The following C1QTNF1 variants were observed in gnomAD, a reference collection of about 807,000 sequenced individuals.
C1QTNF1 encodes C1q and TNF related 1.
C1QTNF1 carries 22 observed loss-of-function variants against 27.8 expected under a neutral mutation model. The ratio of observed to expected loss-of-function variants is 0.79; its 90% CI spans 0.56 to 1.13. The LOEUF (loss-of-function observed/expected upper bound fraction) is 1.13. C1QTNF1 is among the 50% of genes most tolerant of loss of function. The pLI is 0.00. For synonymous variants in C1QTNF1, 166 were observed against 154.3 expected (o/e 1.08, Z -0.56); for missense variants, 373 against 380.2 (o/e 0.98, Z 0.16).
chr17:79,032,824 T>C (rs938968504), intron 1 of C1QTNF1, among the ~76,000 whole-genome samples: 7 of 152,176 alleles, frequency 4.6e-5, no homozygotes, highest in Non-Finnish European at 1.0e-4. Flanking sequence ...CCCAGCACTT[T>C]AGGAGGCCGA....
Position 79,048,013 on chromosome 17 carries a change from C to T in C1QTNF1, c.771C>T (p.Asn257=), listed in dbSNP as rs542771055. The T allele has an allele frequency of 6.0e-5, 96 of 1,608,996 alleles. No homozygotes were observed. The South Asian group carries it at 6.3e-4, about 11-fold the overall frequency. Residue 257 remains asparagine, a synonymous_variant, in exon 4 of 4, where the codon AAC becomes AAT. Coordinates refer to ENST00000579760, the MANE Select transcript of C1QTNF1 (RefSeq NM_030968.5). Reference sequence around the variant, plus strand: ...GCCTCTACAAGGGCGAACGTGAGAACGCCATCTTCAGCGAGGAGCTGGACA... The same window carrying T: ...GCCTCTACAAGGGCGAACGTGAGAATGCCATCTTCAGCGAGGAGCTGGACA... ...WVRLYKGERE[N]AIFSEELDTY...
intron 1 of C1QTNF1, among the ~76,000 whole-genome samples, chr17:79,039,391 C>G (rs904838087): frequency 4.6e-5 from 7 of 150,978 alleles, no homozygotes; most frequent in Non-Finnish European, 1.0e-4. Context: ...GGCAAACGCC[C>G]GTAATCCCAG....
intron 2 of C1QTNF1, among the ~76,000 whole-genome samples, chr17:79,045,190 G>A (rs1186688780): frequency 6.6e-6 from 1 of 152,214 alleles, no homozygotes. Flanking sequence ...AGGTGCAGAA[G>A]GAGGGGAAAG....
chr17:79,043,007 G>A (rs994357111), intron 1 of C1QTNF1, among the ~76,000 whole-genome samples: 19 of 152,078 alleles, frequency 1.2e-4, no homozygotes, highest in African/African-American at 2.2e-4. Flanking sequence ...GCATGTATGC[G>A]AATGTGCATG....
intron 1 of C1QTNF1, among the ~76,000 whole-genome samples, chr17:79,034,024 G>A (rs2072203753): frequency 6.6e-6 from 1 of 152,198 alleles, no homozygotes; most frequent in Admixed American, 6.5e-5. Flanking sequence ...GCCCCAGGCT[G>A]GGGATAAAGC....
chr17:79,035,823 G>A (rs992470267), intron 1 of C1QTNF1, among the ~76,000 whole-genome samples: 5 of 152,142 alleles, frequency 3.3e-5, no homozygotes, highest in East Asian at 1.9e-4. Context: ...AACTGGGGGC[G>A]GGGGCAATGT....
Position 79,048,101 on chromosome 17 carries a change from C to G in C1QTNF1, c.*13C>G, listed in dbSNP as rs749799213. 1 of 1,533,760 alleles carries G rather than the reference C, an allele frequency of 6.5e-7. No homozygotes were observed. Among genetic ancestry groups the G allele is most frequent in the Middle Eastern group, 1.8e-4 (1 of 5,668 alleles). ...CACCGAGCCCTAGCTGGCCGGCCAC[C>G]TCCTTTCCTCTCGCCACCTTCCACC... On this transcript the variant is annotated 3_prime_UTR_variant, in exon 4 of 4. Transcript: ENST00000579760.
chr17:79,031,669 C>T (rs1215854355), intron 1 of C1QTNF1, among the ~76,000 whole-genome samples: 1 of 152,064 alleles, frequency 6.6e-6, no homozygotes, highest in East Asian at 1.9e-4. Flanking sequence ...GTCTTGAACT[C>T]CTGACCTCAG....
In C1QTNF1 at chr17:79,048,322, C is replaced by T. The variant is rs1341732444; in HGVS notation, c.*234C>T. On this transcript the variant is annotated 3_prime_UTR_variant, in exon 4 of 4. Coordinates refer to ENST00000579760, the MANE Select transcript of C1QTNF1 (RefSeq NM_030968.5). ...ACCCGCGAGAACCCTCTGGGACCTTCCGCGGCCCTCTCTGCACACATCCTC... is the reference window on the plus strand; with the variant it reads ...ACCCGCGAGAACCCTCTGGGACCTTTCGCGGCCCTCTCTGCACACATCCTC... 1.9e-6 allele frequency: 1 copy of T among 513,146 alleles called. No homozygotes were observed. Among genetic ancestry groups the T allele is most frequent in the South Asian group, 3.6e-5 (1 of 28,108 alleles). The allele number at this position is 513,146 out of a possible 1,614,324, so 31.8% of individuals were successfully genotyped here.
At position 79,047,240 on chromosome 17, in the gene C1QTNF1, T is replaced by TC. The variant is rs1300946987; in HGVS notation, c.296-298_296-297insC. ...TTCCATTTTCTTTTTTTTCTTTTCT[T>TC]TTTTTTTTTTTTTACCAGGGCTTTC... On this transcript the variant is annotated intron_variant, in intron 3 of 3. Coordinates refer to ENST00000579760, the MANE Select transcript of C1QTNF1 (RefSeq NM_030968.5). 165 of 233,642 alleles carry TC rather than the reference T, an allele frequency of 7.1e-4. No homozygotes were observed. In the East Asian group the frequency reaches 7.7e-3, roughly 11 times the overall value. The allele number at this position is 233,642 out of a possible 1,614,324, so 14.5% of individuals were successfully genotyped here.
intron 1 of C1QTNF1, among the ~76,000 whole-genome samples, chr17:79,040,921 A>AATT (rs779799942): frequency 2.2e-4 from 33 of 152,000 alleles, no homozygotes; most frequent in Admixed American, 5.2e-4. Context: ...ATTTTAGGCT[A>AATT]ATTAGCTTCT....
chr17:79,025,239 G>A (rs1300957556), intron 1 of C1QTNF1, among the ~76,000 whole-genome samples: 1 of 152,184 alleles, frequency 6.6e-6, no homozygotes, highest in Non-Finnish European at 1.5e-5. Flanking sequence ...CTTCTCCACC[G>A]GTGCAGGTGT....
upstream of C1QTNF1, chr17:79,023,117 T>C (rs553960554): frequency 6.6e-6 from 1 of 152,300 alleles, no homozygotes; most frequent in South Asian, 2.1e-4. Context: ...GCTCTGAATG[T>C]CCCAACCAGC....
chr17:79,036,950 G>A (rs1280698396), intron 1 of C1QTNF1, among the ~76,000 whole-genome samples: 1 of 152,180 alleles, frequency 6.6e-6, no homozygotes, highest in African/African-American at 2.4e-5. Context: ...AGTGTTTACA[G>A]AATGCTTTTG....
At chr17:79,032,901 C>G (rs892167086) in intron 1 of C1QTNF1, among the ~76,000 whole-genome samples, 2 of 151,974 alleles carry the variant, frequency 1.3e-5, no homozygotes, top group African/African-American at 4.8e-5. Context: ...AACCCCATCT[C>G]TACTAAAAAT....
intron 1 of C1QTNF1, among the ~76,000 whole-genome samples, chr17:79,033,632 A>G (rs2072192774): frequency 1.3e-5 from 2 of 151,814 alleles, no homozygotes; most frequent in East Asian, 1.9e-4. Context: ...CTTGGGTCCA[A>G]GGGTTTGAAG....
At chr17:79,036,565 A>C (rs1599291592) in intron 1 of C1QTNF1, among the ~76,000 whole-genome samples, 1 of 152,158 alleles carries the variant, frequency 6.6e-6, no homozygotes, top group Non-Finnish European at 1.5e-5. Flanking sequence ...AATTAATTTA[A>C]ATTTAAATAG....
chr17:79,047,778 A>G lies in C1QTNF1; in HGVS notation c.536A>G (p.Asn179Ser), dbSNP rs149440649. The change falls in exon 4 of 4, where the codon AAC becomes AGC. Residue 179 changes from asparagine to serine, a missense_variant. By Grantham distance (46) the Asn-to-Ser change is conservative. Transcript: ENST00000579760. ...TEFVNLYDHF[N>S]MFTGKFYCYV... ...TTCGTGAACCTCTACGACCACTTCA[A>G]CATGTTCACCGGCAAGTTCTACTGC... 5.0e-4 allele frequency: 807 copies of G among 1,614,142 alleles called. 2 individuals carry two copies. The highest frequency in any genetic ancestry group is 8.2e-4 in the Middle Eastern group (5 of 6,062).
upstream of C1QTNF1, among the ~76,000 whole-genome samples, chr17:79,023,702 G>A (rs1257672557): frequency 1.2e-5 from 1 of 80,806 alleles, no homozygotes; most frequent in East Asian, 5.2e-4. Context: ...ATGCGCGCGC[G>A]CGCACACACA....
Sources: allele counts gnomAD v4.1 joint callset (sites outside exome capture counted in the v4.1 genomes callset), GRCh38; gene constraint gnomAD v4.1.1; transcripts MANE v1.5; gene names NCBI Gene and HGNC (gene_info 2026-07-23, HGNC 2026-07-21).